Variants in FREM1 observed in about 807,000 individuals in gnomAD.
The protein encoded by FREM1 is FRAS1 related extracellular matrix 1, also known as FRAS1-related extracellular matrix protein 1.
FREM1 carries 220 observed loss-of-function variants against 210.1 expected under a neutral mutation model. The observed-to-expected ratio is 1.05, with a 90% CI of 0.94 to 1.17. The LOEUF (loss-of-function observed/expected upper bound fraction) is 1.17. Among genes scored for constraint, FREM1 ranks in the 50% most tolerant of loss-of-function variants. FREM1 has a pLI of 0.00. For synonymous variants in FREM1, 1,189 were observed against 980.2 expected (o/e 1.21, Z -3.98); for missense variants, 3,454 against 2,675.5 (o/e 1.29, Z -6.42).
rs189146802 is a variant in FREM1, at chr9:14,879,414, C to T, written c.-267-10170G>A. ...CCAGGCAGCACCTCCAGTCAAACAC[C>T]GAAAGAAGAAGTGAGGTAAAAATCA... On this transcript the variant is annotated intron_variant, in intron 1 of 36. Coordinates refer to ENST00000380880, the MANE Select transcript of FREM1 (RefSeq NM_001379081.2). 3.3e-3 allele frequency among the ~76,000 whole-genome samples: 495 copies of T among 151,908 alleles called. 3 individuals carry two copies. The highest frequency in any genetic ancestry group is 4.5e-3 in the Non-Finnish European group (305 of 67,908).
intron 3 of FREM1, among the ~76,000 whole-genome samples, chr9:14,860,591 A>ATGTGTG (rs1829710433): frequency 4.4e-5 from 5 of 112,726 alleles, no homozygotes; most frequent in Admixed American, 1.8e-4. Flanking sequence ...ACACATATAT[A>ATGTGTG]TACATATATA....
rs1433635454 is a variant in FREM1 at position 14,779,728 on chromosome 9, T to C, written c.4443-3525A>G. 3.3e-5 allele frequency among the ~76,000 whole-genome samples: 5 copies of C among 152,070 alleles called. No homozygotes were observed. In the East Asian group the frequency reaches 9.7e-4, roughly 29 times the overall value. On this transcript the variant is annotated intron_variant, in intron 24 of 36. Coordinates refer to ENST00000380880, the MANE Select transcript of FREM1 (RefSeq NM_001379081.2). ...CAGCCTGCCATCAGACAGATGGGAG[T>C]GAGGGCACGCGGGCCACAGACCACA...
chr9:14,814,328 C>G (rs1819917900), intron 15 of FREM1, among the ~76,000 whole-genome samples: 1 of 152,166 alleles, frequency 6.6e-6, no homozygotes, highest in Non-Finnish European at 1.5e-5. Flanking sequence ...AGAACAGTGA[C>G]TTTGTTTGTC....
At chr9:14,870,579 G>A (rs981187110) in intron 1 of FREM1, among the ~76,000 whole-genome samples, 2 of 151,880 alleles carry the variant, frequency 1.3e-5, no homozygotes, top group African/African-American at 4.8e-5. Context: ...CATAATCAGT[G>A]TATCCTTTTA....
chr9:14,757,281 A>T (rs749009234), intron 28 of FREM1, among the ~76,000 whole-genome samples: 2 of 152,206 alleles, frequency 1.3e-5, no homozygotes, highest in Non-Finnish European at 2.9e-5. Context: ...TTGAGCCGGC[A>T]CGGTGGCTCA....
chr9:14,817,042 C>T (rs1820433719), intron 14 of FREM1, among the ~76,000 whole-genome samples, 171 bp from the exon 15 acceptor site: 1 of 152,206 alleles, frequency 6.6e-6, no homozygotes, highest in South Asian at 2.1e-4. Flanking sequence ...TATTTAACTA[C>T]TCATACATCC....
chr9:14,767,838 C>T (rs1846723384), intron 27 of FREM1, among the ~76,000 whole-genome samples: 2 of 152,100 alleles, frequency 1.3e-5, no homozygotes, highest in Admixed American at 1.3e-4. Context: ...AAACTTCTCT[C>T]TATATTACCC....
chr9:14,860,763 A>G (rs1229971536), intron 3 of FREM1, among the ~76,000 whole-genome samples: 47 of 104,744 alleles, frequency 4.5e-4, no homozygotes, highest in Non-Finnish European at 5.7e-4. Flanking sequence ...ATATATATGC[A>G]CATATATACA....
At chr9:14,882,927 A>AAAAAAAAAAAAAAAAAAAAAAC (rs1835065301) in intron 1 of FREM1, among the ~76,000 whole-genome samples, 2 of 150,156 alleles carry the variant, frequency 1.3e-5, no homozygotes, top group Admixed American at 6.6e-5. Flanking sequence ...AAAAAAAAAA[A>AAAAAAAAAAAAAAAAAAAAAAC]AGGAATCACC....
chr9:14,766,344 T>C (rs1318768014), intron 27 of FREM1, among the ~76,000 whole-genome samples: 1 of 152,018 alleles, frequency 6.6e-6, no homozygotes, highest in Non-Finnish European at 1.5e-5. Context: ...CCATGAAAAA[T>C]TGGTTCCCTG....
Position 14,841,461 on chromosome 9 carries a change from G to A in FREM1, c.1867C>T (p.Leu623Phe), listed in dbSNP as rs747821748. The change falls in exon 10 of 37, where the codon CTT becomes TTT. Residue 623 changes from leucine to phenylalanine, a missense_variant. Leu to Phe is a conservative substitution (Grantham distance 22). Transcript: ENST00000380880. ...VLWDSHEPPN[L>F]SVPQVATIHI... ...CAGTCTCTTACCTGTGGCACTGAAA[G>A]ATTTGGAGGTTCATGGCTGTCCCAC... 1.2e-6 allele frequency: 2 copies of A among 1,607,058 alleles called. No individual in the cohort carries two copies. The highest frequency in any genetic ancestry group is 2.2e-5 in the East Asian group (1 of 44,754).
intron 1 of FREM1, among the ~76,000 whole-genome samples, chr9:14,879,518 G>A (rs1400421131): frequency 6.6e-6 from 1 of 152,132 alleles, no homozygotes; most frequent in Non-Finnish European, 1.5e-5. Context: ...ACGTCTACAA[G>A]AATACATGAA....
chr9:14,892,058 C>T (rs1310489821), intron 1 of FREM1, among the ~76,000 whole-genome samples: 1 of 152,080 alleles, frequency 6.6e-6, no homozygotes, highest in Non-Finnish European at 1.5e-5. Context: ...TCTTTCTATC[C>T]TAAGGTATCC....
chr9:14,761,293 C>T (rs1041062169), intron 27 of FREM1, among the ~76,000 whole-genome samples: 12 of 152,142 alleles, frequency 7.9e-5, no homozygotes, highest in Admixed American at 7.2e-4. Context: ...AGCTGAGCAT[C>T]ATGGGCTAGG....
At chr9:14,908,554 A>G (rs1204324450) in intron 1 of FREM1, among the ~76,000 whole-genome samples, 2 of 151,462 alleles carry the variant, frequency 1.3e-5, no homozygotes, top group Admixed American at 1.3e-4. Flanking sequence ...GGAAGCAAGA[A>G]AAAAAAAAGA....
At chr9:14,748,051 G>A (rs963126168) in intron 31 of FREM1, among the ~76,000 whole-genome samples, 7 of 152,144 alleles carry the variant, frequency 4.6e-5, no homozygotes, top group African/African-American at 1.7e-4. Context: ...TGGTTAGAAT[G>A]CTGTGTTAAT....
chr9:14,797,584 G>A lies in FREM1; in HGVS notation c.3753C>T (p.Ile1251=). 1 of 1,611,450 alleles carries A rather than the reference G, an allele frequency of 6.2e-7. No individual in the cohort carries two copies. The highest frequency in any genetic ancestry group is 2.2e-5 in the East Asian group (1 of 44,808). The part of the protein sequence containing the change: ...DSESLADDFT[I]QLSDGKHKIL... ...TCTTATGTTTCCCATCTGACAATTGGATTGTAAAATCATCAGCAAGGCTCT... is the reference window on the plus strand; with the variant it reads ...TCTTATGTTTCCCATCTGACAATTGAATTGTAAAATCATCAGCAAGGCTCT... Residue 1251 remains isoleucine (I), a synonymous_variant, in exon 21 of 37, where the codon ATC becomes ATT. Coordinates refer to ENST00000380880, the MANE Select transcript of FREM1 (RefSeq NM_001379081.2).
At chr9:14,811,622 A>G (rs1247524915) in intron 16 of FREM1, among the ~76,000 whole-genome samples, 1 of 152,190 alleles carries the variant, frequency 6.6e-6, no homozygotes. Context: ...CCATTTAAAG[A>G]AAAAAGATGT....
chr9:14,825,176 A>G (rs895760627), intron 10 of FREM1, among the ~76,000 whole-genome samples, 184 bp from the exon 11 acceptor site: 5 of 152,138 alleles, frequency 3.3e-5, no homozygotes, highest in Non-Finnish European at 4.4e-5. Context: ...TACTCATTTA[A>G]TATTATATTT....
Sources: gnomAD v4.1 joint callset for allele counts (sites outside exome capture counted in the v4.1 genomes callset) on GRCh38, gnomAD v4.1.1 for gene constraint, MANE v1.5 for transcripts, NCBI Gene and HGNC (gene_info 2026-07-23, HGNC 2026-07-21) for gene names.